The following CRYZ variants were observed in gnomAD, a reference collection of about 807,000 sequenced individuals.
The protein encoded by CRYZ is zeta-crystallin.
CRYZ carries 35 observed loss-of-function variants against 34.1 expected under a neutral mutation model. The ratio of observed to expected loss-of-function variants is 1.03; its 90% CI spans 0.78 to 1.36. The LOEUF (loss-of-function observed/expected upper bound fraction) is 1.36, where lower values mean the gene tolerates loss of function less well. Among genes scored for constraint, CRYZ ranks in the 40% most tolerant of loss-of-function variants. The pLI is 0.00. For missense variants in CRYZ, 403 were observed against 391.8 expected, an observed-to-expected ratio of 1.03 and a Z score of -0.24; for synonymous variants, 137 against 136.5, an observed-to-expected ratio of 1.00 and a Z score of -0.03.
At chr1:74,712,530 G>A (rs1363871235) in intron 5 of CRYZ, among the ~76,000 whole-genome samples, 1 of 152,210 alleles carries the variant, frequency 6.6e-6, no homozygotes, top group African/African-American at 2.4e-5. Flanking sequence ...CAGGCCTGAA[G>A]TGGACCTTAA....
chr1:74,732,526 C>T (rs189624944), intron 1 of CRYZ, among the ~76,000 whole-genome samples: 298 of 150,680 alleles, frequency 2.0e-3, no homozygotes, highest in Non-Finnish European at 3.4e-3. Context: ...CCTGGACAGA[C>T]CGCTGGGCGC....
At chr1:74,712,862 C>G (rs912096817) in intron 5 of CRYZ, among the ~76,000 whole-genome samples, 4 of 152,126 alleles carry the variant, frequency 2.6e-5, no homozygotes, top group Non-Finnish European at 5.9e-5. Context: ...AACAATTATA[C>G]CAGCAATGAT....
intron 4 of CRYZ, among the ~76,000 whole-genome samples, chr1:74,718,580 T>C (rs886123506): frequency 2.6e-5 from 4 of 152,142 alleles, no homozygotes; most frequent in African/African-American, 9.6e-5. Context: ...CAAGTTTCTA[T>C]AGCTGTTCCC....
intron 3 of CRYZ, among the ~76,000 whole-genome samples, chr1:74,722,058 T>A (rs1647172807): frequency 6.6e-6 from 1 of 152,122 alleles, no homozygotes; most frequent in Admixed American, 6.6e-5. Flanking sequence ...ATGTAACATG[T>A]GATAATGGCA....
Position 74,706,420 on chromosome 1 carries a change from C to T in CRYZ, c.866G>A (p.Gly289Glu). 6.2e-7 allele frequency: 1 copy of T among 1,611,186 alleles called. No individual in the cohort carries two copies. The highest frequency in any genetic ancestry group is 8.5e-7 in the Non-Finnish European group (1 of 1,179,030). The change falls in exon 9 of 9, where the codon GGA (glycine) becomes GAA (glutamate). Residue 289 changes from glycine (G) to glutamate (E), a missense_variant. By Grantham distance (98) the Gly-to-Glu change is moderately conservative. Transcript: ENST00000340866. ...FQQYAAALQAGMEIGWLKPVI... is the reference protein window; with the variant it reads ...FQQYAAALQAEMEIGWLKPVI... The stretch of plus-strand genomic sequence containing the variant: ...AGGTTTCAACCAGCCAATTTCCATT[C>T]CAGCTTGAAGGGCTGCTGCATATTG...
At chr1:74,712,173 A>G (rs182028991) in intron 5 of CRYZ, among the ~76,000 whole-genome samples, 161 of 152,376 alleles carry the variant, frequency 1.1e-3, no homozygotes, top group Non-Finnish European at 1.5e-3. Flanking sequence ...ACTAGGAAAT[A>G]TATCTGATTA....
At chr1:74,707,703 T>C (rs1026844086) in intron 6 of CRYZ, 1 of 152,432 alleles carries the variant, frequency 6.6e-6, no homozygotes, top group African/African-American at 2.4e-5. Flanking sequence ...ACTAACTCTT[T>C]TGGGCTCTTG....
intron 6 of CRYZ, among the ~76,000 whole-genome samples, chr1:74,709,520 T>C (rs1451999579): frequency 1.3e-5 from 2 of 152,212 alleles, no homozygotes; most frequent in East Asian, 3.8e-4. Context: ...GAGGAAGTGG[T>C]TGAGGATTAG....
In CRYZ at chr1:74,724,770, C is replaced by A; in HGVS notation, c.52G>T (p.Gly18Trp). ...MRAVRVFEFG[G>W]PEVLKLRSDI... The stretch of plus-strand genomic sequence containing the variant: ...GATCGCAATTTCAGGACTTCTGGCC[C>A]ACCAAATTCAAAAACTCTAACAGCT... Residue 18 changes from glycine to tryptophan, a missense_variant, in exon 2 of 9, where the codon GGG (glycine) becomes TGG (tryptophan). By Grantham distance (184) the Gly-to-Trp change is radical. Coordinates refer to ENST00000340866, the MANE Select transcript of CRYZ (RefSeq NM_001889.4). The A allele has an allele frequency of 6.2e-7, 1 of 1,613,586 alleles. No individual in the cohort carries two copies. The highest frequency in any genetic ancestry group is 8.5e-7 in the Non-Finnish European group (1 of 1,179,750).
chr1:74,721,351 T>A (rs1647160456), intron 3 of CRYZ, among the ~76,000 whole-genome samples: 1 of 152,134 alleles, frequency 6.6e-6, no homozygotes, highest in South Asian at 2.1e-4. Context: ...TACTGAAGAA[T>A]AAACTACACT....
At chr1:74,715,793 A>G (rs1407154971) in intron 4 of CRYZ, among the ~76,000 whole-genome samples, 1 of 152,142 alleles carries the variant, frequency 6.6e-6, no homozygotes, top group East Asian at 1.9e-4. Flanking sequence ...AAAAGCAGGC[A>G]AATCCCCTCC....
chr1:74,725,430 T>C (rs1053820222), intron 1 of CRYZ, among the ~76,000 whole-genome samples: 1 of 152,122 alleles, frequency 6.6e-6, no homozygotes, highest in African/African-American at 2.4e-5. Context: ...GAATTCCCTT[T>C]TATAAAACCA....
At chr1:74,728,586 T>G (rs1647511006) in intron 1 of CRYZ, among the ~76,000 whole-genome samples, 1 of 152,202 alleles carries the variant, frequency 6.6e-6, no homozygotes, top group Admixed American at 6.5e-5. Context: ...ACTTTTACTG[T>G]ATCAAAACTC....
In CRYZ at chr1:74,725,242, A is replaced by G. The variant is rs374687819; in HGVS notation, c.-13-408T>C. ...CAAACATTTACCTGACACCCAGTGT[A>G]TTGGTTCATTTTCATACTGCTATGA... On this transcript the variant is annotated intron_variant, in intron 1 of 8. Transcript: ENST00000340866. 4.1e-4 allele frequency among the ~76,000 whole-genome samples: 63 copies of G among 152,272 alleles called. No homozygotes were observed. The East Asian group carries it at 0.012, about 29-fold the overall frequency.
intron 4 of CRYZ, 91 bp from the exon 5 acceptor site, chr1:74,714,721 G>C (rs990631435): frequency 7.6e-7 from 1 of 1,322,870 alleles, no homozygotes; most frequent in African/African-American, 1.5e-5. Flanking sequence ...TCTACCCCTA[G>C]TCTGGCTAAC....
chr1:74,715,925 G>T (rs28589978), intron 4 of CRYZ, among the ~76,000 whole-genome samples: 4 of 139,998 alleles, frequency 2.9e-5, no homozygotes, highest in Admixed American at 1.4e-4. Flanking sequence ...TTTTTTTTTC[G>T]AATGAGATTA....
intron 4 of CRYZ, among the ~76,000 whole-genome samples, chr1:74,718,530 T>C (rs949191495): frequency 6.6e-6 from 1 of 152,170 alleles, no homozygotes; most frequent in African/African-American, 2.4e-5. Flanking sequence ...AACTTTATTC[T>C]TCGCTACTCT....
chr1:74,713,736 A>G (rs889173878), intron 5 of CRYZ, among the ~76,000 whole-genome samples: 1 of 152,220 alleles, frequency 6.6e-6, no homozygotes, highest in African/African-American at 2.4e-5. Flanking sequence ...TCCACTCTCC[A>G]GAATACACAG....
At chr1:74,714,396 A>C (rs1647043606) in intron 5 of CRYZ, among the ~76,000 whole-genome samples, 183 bp downstream of exon 5, 1 of 152,176 alleles carries the variant, frequency 6.6e-6, no homozygotes, top group African/African-American at 2.4e-5. Flanking sequence ...ATTAACCAAG[A>C]AATGCTAAAC....
Sources: gnomAD v4.1 joint callset for allele counts (sites outside exome capture counted in the v4.1 genomes callset) on GRCh38, gnomAD v4.1.1 for gene constraint, MANE v1.5 for transcripts, NCBI Gene and HGNC (gene_info 2026-07-23, HGNC 2026-07-21) for gene names.